Variants in TMEM138 observed in about 807,000 individuals in gnomAD.
The protein encoded by TMEM138 is transmembrane protein 138.
TMEM138 carries 9 observed loss-of-function variants against 18.1 expected under a neutral mutation model. That is an observed-to-expected ratio of 0.50 (90% confidence interval 0.30 to 0.87). The LOEUF (loss-of-function observed/expected upper bound fraction) is 0.87, where lower values mean the gene tolerates loss of function less well. Among genes scored for constraint, TMEM138 ranks in the 40% least tolerant of loss-of-function variants. The pLI is 0.06. For missense variants in TMEM138, 189 were observed against 190.6 expected, an observed-to-expected ratio of 0.99 and a Z score of 0.05; for synonymous variants, 79 against 74.8, an observed-to-expected ratio of 1.06 and a Z score of -0.29.
In TMEM138 at chr11:61,365,920, G is replaced by T. The variant is rs1039095206; in HGVS notation, c.129-125G>T. On this transcript the variant is annotated intron_variant, in intron 2 of 4. Coordinates refer to ENST00000278826, the MANE Select transcript of TMEM138 (RefSeq NM_016464.5). ...CAAAACCCATGTTATCTCTGTGAGGGTTTAAGATGTCAGATGCCTATCTCA... is the reference window on the plus strand; with the variant it reads ...CAAAACCCATGTTATCTCTGTGAGGTTTTAAGATGTCAGATGCCTATCTCA... 4.8e-6 allele frequency: 6 copies of T among 1,240,290 alleles called. No homozygotes were observed. The African/African-American group carries it at 9.3e-5, about 19-fold the overall frequency. The allele number at this position is 1,240,290 out of a possible 1,614,324, so 76.8% of individuals were successfully genotyped here.
intron 2 of TMEM138, chr11:61,364,777 C>T (rs1005967117): frequency 1.6e-5 from 5 of 308,596 alleles, no homozygotes; most frequent in East Asian, 1.4e-4. Context: ...CACCTGTAAT[C>T]GCAGTGATTC....
rs1036286599 is a variant in TMEM138, at chr11:61,367,720, TC to T, written c.301-201del. The T allele has an allele frequency of 1.0e-5, 6 of 576,328 alleles. No homozygotes were observed. In the African/African-American group the frequency reaches 1.1e-4, roughly 11 times the overall value. The allele number at this position is 576,328 out of a possible 1,614,324, so 35.7% of individuals were successfully genotyped here. On this transcript the variant is annotated intron_variant, in intron 3 of 4. Transcript: ENST00000278826. The stretch of plus-strand genomic sequence containing the variant: ...GAGAATAAATAACTTAGTTCATACT[TC>T]CTCCCTCAAAGTTAAAAGATATTCC...
Position 61,366,157 on chromosome 11 carries a change from A to G in TMEM138, c.241A>G (p.Thr81Ala). The G allele has an allele frequency of 6.2e-7, 1 of 1,614,166 alleles. No individual in the cohort carries two copies. The highest frequency in any genetic ancestry group is 2.2e-5 in the East Asian group (1 of 44,890). ...CCTCCTATTCCATAAGTTCAAAGGG[A>G]CCATCATCCTGACAGCTGTGTACTT... ...VNLLFHKFKG[T>A]IILTAVYFAL... Residue 81 changes from threonine (T) to alanine (A), a missense_variant, in exon 3 of 5, where the codon ACC (threonine) becomes GCC (alanine). Thr to Ala is a moderately conservative substitution (Grantham distance 58). Coordinates refer to ENST00000278826, the MANE Select transcript of TMEM138 (RefSeq NM_016464.5).
chr11:61,372,131 G>A (rs1460765082), downstream of TMEM138, among the ~76,000 whole-genome samples: 1 of 146,384 alleles, frequency 6.8e-6, no homozygotes, highest in African/African-American at 2.5e-5. Flanking sequence ...AGCCAAGATT[G>A]TACCACTGCC....
chr11:61,374,911 C>G (rs563999628), downstream of TMEM138, among the ~76,000 whole-genome samples: 1 of 152,114 alleles, frequency 6.6e-6, no homozygotes, highest in South Asian at 2.1e-4. Context: ...GAGCTGAGAT[C>G]GCGCCACTGA....
At position 61,367,608 on chromosome 11, in the gene TMEM138, G is replaced by A. The variant is rs550200202; in HGVS notation, c.301-315G>A. 1.1e-5 allele frequency: 3 copies of A among 276,448 alleles called. No homozygotes were observed. In the South Asian group the frequency reaches 1.4e-4, roughly 13 times the overall value. 17.1% of individuals were successfully genotyped at this position (276,448 alleles called of 1,614,324 possible). A position where few individuals can be genotyped will look rare whatever the true frequency, so the allele number is the denominator to read the frequency against. On this transcript the variant is annotated intron_variant, in intron 3 of 4. Transcript: ENST00000278826. ...TCTTTATCTGACAGGAGCTGAGCCAGCGATTTTTCAAGGCAAGACAGTGAC... is the reference window on the plus strand; with the variant it reads ...TCTTTATCTGACAGGAGCTGAGCCAACGATTTTTCAAGGCAAGACAGTGAC...
At chr11:61,375,645 A>C (rs1459845692), downstream of TMEM138, among the ~76,000 whole-genome samples, 1 of 152,154 alleles carries the variant, frequency 6.6e-6, no homozygotes, top group Admixed American at 6.6e-5. Context: ...AACTTATGAC[A>C]ATACTGTTAT....
rs1858254918 is a variant in TMEM138 at position 61,368,769 on chromosome 11, C to G, written c.*60C>G. 13 of 1,375,954 alleles carry G rather than the reference C, an allele frequency of 9.4e-6. No homozygotes were observed. The highest frequency in any genetic ancestry group is 1.3e-5 in the Non-Finnish European group (13 of 969,640). 85.2% of individuals were successfully genotyped at this position (1,375,954 alleles called of 1,614,324 possible). On this transcript the variant is annotated 3_prime_UTR_variant, in exon 5 of 5. Coordinates refer to ENST00000278826, the MANE Select transcript of TMEM138 (RefSeq NM_016464.5). ...GATAGAAGCCACATTTGCTGCTTTG[C>G]AGGGAGAGTTGGCCCTATGCATGGG...
At chr11:61,375,640 A>G (rs1393776527), downstream of TMEM138, among the ~76,000 whole-genome samples, 2 of 152,184 alleles carry the variant, frequency 1.3e-5, no homozygotes, top group Non-Finnish European at 2.9e-5. Flanking sequence ...TTCTTAACTT[A>G]TGACAATACT....
At position 61,366,050 on chromosome 11, in the gene TMEM138, A is replaced by G. The variant is rs886039804; in HGVS notation, c.134A>G (p.Gln45Arg). The change falls in exon 3 of 5, where the codon CAG becomes CGG. Residue 45 changes from glutamine (Q) to arginine (R), a missense_variant. Physicochemically the swap from Gln to Arg is conservative, Grantham distance 43. Transcript: ENST00000278826. The stretch of plus-strand genomic sequence containing the variant: ...ACTTTTTTTTATGTCTACAGCATCC[A>G]GGATATTGCAGTCCTCTTCAACATC... ...PVIQLVLFII[Q>R]DIAVLFNIII... 6.2e-7 allele frequency: 1 copy of G among 1,612,964 alleles called. No homozygotes were observed. Among genetic ancestry groups the G allele is most frequent in the Non-Finnish European group, 8.5e-7 (1 of 1,179,524 alleles).
At chr11:61,368,285 C>T (rs548378724) in intron 4 of TMEM138, 14 of 544,896 alleles carry the variant, frequency 2.6e-5, no homozygotes, top group Admixed American at 2.1e-4. Flanking sequence ...AGTGCTGTGG[C>T]GCTATCTCAG....
chr11:61,366,026 C>CT lies in TMEM138; in HGVS notation c.129-11dup, dbSNP rs745468928. On this transcript the variant is annotated intron_variant, in intron 2 of 4. Transcript: ENST00000278826. ...CTCACACAGGCCTTCATTGGTTGTA[C>CT]TTTTTTTTATGTCTACAGCATCCAG... The CT allele has an allele frequency of 2.4e-5, 38 of 1,602,976 alleles. No homozygotes were observed. Among genetic ancestry groups the CT allele is most frequent in the African/African-American group, 1.3e-4 (10 of 74,392 alleles).
In TMEM138 at chr11:61,364,432, G is replaced by T. The variant is rs1279285536; in HGVS notation, c.42G>T (p.Gln14His). 6.2e-7 allele frequency: 1 copy of T among 1,614,214 alleles called. No individual in the cohort carries two copies. Among genetic ancestry groups the T allele is most frequent in the Admixed American group, 1.7e-5 (1 of 60,030 alleles). The change falls in exon 2 of 5, where the codon CAG becomes CAT. Residue 14 changes from glutamine to histidine, a missense_variant. Coordinates refer to ENST00000278826, the MANE Select transcript of TMEM138 (RefSeq NM_016464.5). ...TSNYSLVLSL[Q>H]FLLLSYDLFV... The stretch of plus-strand genomic sequence containing the variant: ...ACTACAGCCTGGTGCTCTCTCTGCA[G>T]TTCCTGCTGCTGTCCTATGACCTCT...
intron 4 of TMEM138, 129 bp from the exon 5 acceptor site, chr11:61,368,468 C>A: frequency 1.6e-6 from 1 of 623,834 alleles, no homozygotes; most frequent in South Asian, 1.8e-5. Context: ...CCTCATGATC[C>A]GCCTGCCTCT....
In TMEM138 at chr11:61,366,072, C is replaced by T. The variant is rs1335320166; in HGVS notation, c.156C>T (p.Asn52=). ...TCCAGGATATTGCAGTCCTCTTCAACATCATCATCATTTTCCTCATGTTCT... is the reference window on the plus strand; with the variant it reads ...TCCAGGATATTGCAGTCCTCTTCAATATCATCATCATTTTCCTCATGTTCT... ...FIIQDIAVLF[N]IIIIFLMFFN... Residue 52 remains asparagine (N), a synonymous_variant, in exon 3 of 5, where the codon AAC becomes AAT. Transcript: ENST00000278826. 2 of 1,613,540 alleles carry T rather than the reference C, an allele frequency of 1.2e-6. No homozygotes were observed. The highest frequency in any genetic ancestry group is 4.5e-5 in the East Asian group (2 of 44,870).
At chr11:61,375,720 T>C (rs1858426755), downstream of TMEM138, among the ~76,000 whole-genome samples, 1 of 152,214 alleles carries the variant, frequency 6.6e-6, no homozygotes, top group African/African-American at 2.4e-5. Context: ...AACTGGTTAT[T>C]TTACCAAGGC....
In TMEM138 at chr11:61,366,484, T is replaced by C. The variant is rs542541163; in HGVS notation, c.300+268T>C. The C allele has an allele frequency of 6.0e-4, 202 of 336,906 alleles. 1 individual carries two copies. Among genetic ancestry groups the C allele is most frequent in the African/African-American group, 4.1e-3 (185 of 45,678 alleles). 20.9% of individuals were successfully genotyped at this position (336,906 alleles called of 1,614,324 possible). A position where few individuals can be genotyped will look rare whatever the true frequency, so the allele number is the denominator to read the frequency against. Reference sequence around the variant, plus strand: ...TTCTTTTCTTTTCTTTTTTTTTTTTTTTGAGACAGAGTCTCGCTCTGTCGC... The same window carrying C: ...TTCTTTTCTTTTCTTTTTTTTTTTTCTTGAGACAGAGTCTCGCTCTGTCGC... On this transcript the variant is annotated intron_variant, in intron 3 of 4. Transcript: ENST00000278826.
downstream of TMEM138, among the ~76,000 whole-genome samples, chr11:61,373,788 T>C (rs1858396776): frequency 6.6e-6 from 1 of 152,124 alleles, no homozygotes; most frequent in Non-Finnish European, 1.5e-5. Flanking sequence ...ATAAATATGC[T>C]GTTGGATGTG....
At position 61,364,504 on chromosome 11, in the gene TMEM138, G is replaced by C; in HGVS notation, c.114G>C (p.Gln38His). ...TGCTCCAAAAGACTCCTGTCATCCA[G>C]CTTGTGCTCTTCATGTGCGTGCAGT... ...SELLQKTPVI[Q>H]LVLFIIQDIA... is the part of the protein sequence containing the mutation. The change falls in exon 2 of 5, where the codon CAG becomes CAC. Residue 38 changes from glutamine to histidine, a missense_variant. Gln to His is a conservative substitution (Grantham distance 24, BLOSUM62 0). Transcript: ENST00000278826. 5 of 1,614,166 alleles carry C rather than the reference G, an allele frequency of 3.1e-6. No individual in the cohort carries two copies. The highest frequency in any genetic ancestry group is 4.2e-6 in the Non-Finnish European group (5 of 1,180,018).
Sources: gnomAD v4.1 joint callset for allele counts (sites outside exome capture counted in the v4.1 genomes callset) on GRCh38, gnomAD v4.1.1 for gene constraint, MANE v1.5 for transcripts, NCBI Gene and HGNC (gene_info 2026-07-23, HGNC 2026-07-21) for gene names.